The following SYN3 variants were observed in gnomAD, a reference collection of about 807,000 sequenced individuals.
SYN3 encodes the protein synapsin-3.
In SYN3, 35 loss-of-function variants were observed where a neutral mutation model predicts 65.8. The observed-to-expected ratio is 0.53, with a 90% confidence interval of 0.41 to 0.70. The LOEUF is 0.70. Ranked by LOEUF, SYN3 falls within the 30% of genes least tolerant of loss-of-function variation. The probability of loss-of-function intolerance (pLI) is 0.00; values close to 1 mark genes in which losing one functional copy is unlikely to be tolerated. For synonymous variants in SYN3, 270 were observed against 292.9 expected (o/e 0.92, Z 0.80); for missense variants, 680 against 749.0 (o/e 0.91, Z 1.08).
intron 7 of SYN3, among the ~76,000 whole-genome samples, chr22:32,569,585 ATAT>A (rs2058731390): frequency 7.9e-6 from 1 of 126,608 alleles, no homozygotes; most frequent in South Asian, 2.8e-4. Context: ...ATATATATAT[ATAT>A]AAAATCTATC....
rs537318778 is a variant in SYN3 at position 32,549,256 on chromosome 22, C to CT, written c.775-7544dup. ...CAGAATAATGAGGATAACATGCAAG[C>CT]TTTTTTTTTTTGTTTGAGACAGAGT... On this transcript the variant is annotated intron_variant, in intron 7 of 13. Transcript: ENST00000358763. Among the ~76,000 whole-genome samples, 115 of 145,472 alleles carry CT rather than the reference C, an allele frequency of 7.9e-4. No homozygotes were observed. In the South Asian group the frequency reaches 9.4e-3, roughly 12 times the overall value.
At chr22:32,806,625 G>A (rs574109172) in intron 6 of SYN3, among the ~76,000 whole-genome samples, 9 of 152,252 alleles carry the variant, frequency 5.9e-5, no homozygotes, top group Admixed American at 3.3e-4. Flanking sequence ...GGCTACCTTT[G>A]AGCTTTAGTT....
At chr22:32,929,576 G>C (rs1275781945) in intron 4 of SYN3, among the ~76,000 whole-genome samples, 1 of 152,010 alleles carries the variant, frequency 6.6e-6, no homozygotes, top group East Asian at 1.9e-4. Flanking sequence ...TTTATTTCTG[G>C]CATGTCTGGG....
At chr22:32,905,355 G>A (rs566020492) in intron 4 of SYN3, among the ~76,000 whole-genome samples, 7 of 152,246 alleles carry the variant, frequency 4.6e-5, no homozygotes, top group African/African-American at 1.4e-4. Flanking sequence ...CTAGGTGGGA[G>A]GACAAAAACC....
At chr22:32,625,679 G>A (rs909326570) in intron 6 of SYN3, among the ~76,000 whole-genome samples, 3 of 152,158 alleles carry the variant, frequency 2.0e-5, no homozygotes, top group African/African-American at 4.8e-5. Context: ...TGACTTCCAA[G>A]ACTCCTTCCT....
intron 6 of SYN3, among the ~76,000 whole-genome samples, chr22:32,748,950 G>A (rs1170320785): frequency 1.3e-5 from 2 of 152,152 alleles, no homozygotes; most frequent in East Asian, 3.9e-4. Context: ...TCCCTCTGGG[G>A]CTTATTGAAA....
intron 3 of SYN3, among the ~76,000 whole-genome samples, chr22:32,958,553 ATAC>A (rs2051540617): frequency 6.6e-6 from 1 of 152,204 alleles, no homozygotes; most frequent in Non-Finnish European, 1.5e-5. Flanking sequence ...TAATTATTAC[ATAC>A]TATATTTGTA....
chr22:32,585,992 G>A (rs1047174253), intron 7 of SYN3, among the ~76,000 whole-genome samples: 7 of 82,004 alleles, frequency 8.5e-5, no homozygotes, highest in Non-Finnish European at 2.0e-4. Flanking sequence ...GTATGTATAC[G>A]TATATATGTA....
rs527523106 is a variant in SYN3 at position 32,817,711 on chromosome 22, C to T, written c.711+47204G>A. Reference sequence around the variant, plus strand: ...CTTGCTTGGCTCAGTTCTGGGCACACATCAGATTTTTAAATCCTAGGATCT... The same window carrying T: ...CTTGCTTGGCTCAGTTCTGGGCACATATCAGATTTTTAAATCCTAGGATCT... On this transcript the variant is annotated intron_variant, in intron 6 of 13. Coordinates refer to ENST00000358763, the MANE Select transcript of SYN3 (RefSeq NM_003490.4). 2.6e-5 allele frequency among the ~76,000 whole-genome samples: 4 copies of T among 152,316 alleles called. No individual in the cohort carries two copies. The South Asian group carries it at 6.2e-4, about 24-fold the overall frequency.
chr22:32,694,445 C>T (rs559145109), intron 6 of SYN3, among the ~76,000 whole-genome samples: 7 of 152,316 alleles, frequency 4.6e-5, no homozygotes, highest in Admixed American at 2.0e-4. Flanking sequence ...TTACTTTCTA[C>T]AGCTTTTCTA....
intron 7 of SYN3, among the ~76,000 whole-genome samples, chr22:32,542,533 G>C (rs2058273208): frequency 6.6e-6 from 1 of 151,466 alleles, no homozygotes; most frequent in South Asian, 2.1e-4. Flanking sequence ...GTGCTTCTGT[G>C]TGTGTGTGTA....
intron 7 of SYN3, among the ~76,000 whole-genome samples, chr22:32,546,198 C>T (rs1358656450): frequency 6.6e-6 from 1 of 152,196 alleles, no homozygotes; most frequent in African/African-American, 2.4e-5. Flanking sequence ...CCCCATTAGA[C>T]TGTGAGCTTC....
intron 6 of SYN3, among the ~76,000 whole-genome samples, chr22:32,633,917 A>C (rs1248448625): frequency 6.6e-6 from 1 of 151,896 alleles, no homozygotes; most frequent in African/African-American, 2.4e-5. Flanking sequence ...GAGCCACCCA[A>C]CCTGGCACAA....
At chr22:32,539,786 C>G (rs915759215) in intron 8 of SYN3, among the ~76,000 whole-genome samples, 4 of 76,642 alleles carry the variant, frequency 5.2e-5, no homozygotes, top group African/African-American at 1.8e-4. Context: ...TGAGGTAATC[C>G]TCAAGAAAAA....
chr22:32,926,152 G>A lies in SYN3; in HGVS notation c.461+5238C>T, dbSNP rs370670088. 1.2e-4 allele frequency among the ~76,000 whole-genome samples: 18 copies of A among 152,174 alleles called. 2 individuals are homozygous for A. Among genetic ancestry groups the A allele is most frequent in the Admixed American group, 1.3e-4 (2 of 15,282 alleles). On this transcript the variant is annotated intron_variant, in intron 4 of 13. Transcript: ENST00000358763. ...CAGGCGTAAGCCATTGTGCCCAGCCGGGATAGATGTTCTTGTTTTTACCTG... is the reference window on the plus strand; with the variant it reads ...CAGGCGTAAGCCATTGTGCCCAGCCAGGATAGATGTTCTTGTTTTTACCTG...
chr22:33,049,595 T>A (rs755613759), intron 1 of SYN3, among the ~76,000 whole-genome samples: 1 of 152,176 alleles, frequency 6.6e-6, no homozygotes, highest in African/African-American at 2.4e-5. Flanking sequence ...GATACCCGCC[T>A]CCCCATTAGG....
At position 33,006,480 on chromosome 22, in the gene SYN3, G is replaced by A; in HGVS notation, c.183C>T (p.Ser61=). 1.2e-6 allele frequency: 2 copies of A among 1,614,192 alleles called. No individual in the cohort carries two copies. Among genetic ancestry groups the A allele is most frequent in the Non-Finnish European group, 8.5e-7 (1 of 1,180,022 alleles). ...SFSSPGSSLF[S]SLSSAMKQAP... ...CCTGCTTCATGGCACTGGAGAGGGA[G>A]CTAAAAAGGCTGGATCCTGGAGAGG... is the stretch of plus-strand genomic sequence containing the variant. Residue 61 remains serine (S), a synonymous_variant, in exon 2 of 14, where the codon AGC becomes AGT. Transcript: ENST00000358763.
chr22:32,672,162 T>G (rs1465049105), intron 6 of SYN3, among the ~76,000 whole-genome samples: 1 of 152,182 alleles, frequency 6.6e-6, no homozygotes, highest in African/African-American at 2.4e-5. Context: ...TGATGGAAGA[T>G]GAAGAACATC....
At chr22:32,529,482 A>G (rs1202902643) in intron 10 of SYN3, among the ~76,000 whole-genome samples, 1 of 152,162 alleles carries the variant, frequency 6.6e-6, no homozygotes, top group East Asian at 1.9e-4. Context: ...GGAAAGAGGG[A>G]AGAGGAAAGG....
Sources: gnomAD v4.1 joint callset for allele counts (sites outside exome capture counted in the v4.1 genomes callset) on GRCh38, gnomAD v4.1.1 for gene constraint, MANE v1.5 for transcripts, NCBI Gene and HGNC (gene_info 2026-07-23, HGNC 2026-07-21) for gene names.